The following FAM13A variants were observed in gnomAD, a reference collection of about 807,000 sequenced individuals.
FAM13A encodes family with sequence similarity 13 member A.
A neutral mutation model predicts 129.6 loss-of-function variants in FAM13A; 76 were observed. That is an observed-to-expected ratio of 0.59 (90% CI 0.49 to 0.71). FAM13A has a LOEUF of 0.71. Ranked by LOEUF, FAM13A falls within the 30% of genes least tolerant of loss-of-function variation. The probability of loss-of-function intolerance (pLI) is 0.00; values close to 1 mark genes in which losing one functional copy is unlikely to be tolerated. For missense variants in FAM13A, 1,108 were observed against 1,249.3 expected, an observed-to-expected ratio of 0.89 and a Z score of 1.70; for synonymous variants, 443 against 449.9, an observed-to-expected ratio of 0.98 and a Z score of 0.20.
chr4:88,944,382 A>AT (rs954117631), intron 4 of FAM13A, among the ~76,000 whole-genome samples: 2 of 152,208 alleles, frequency 1.3e-5, no homozygotes. Flanking sequence ...TGCCCTCTTT[A>AT]TAACATCATG....
intron 6 of FAM13A, among the ~76,000 whole-genome samples, chr4:88,885,790 A>G (rs1744302748): frequency 6.7e-6 from 1 of 150,370 alleles, no homozygotes; most frequent in South Asian, 2.1e-4. Context: ...AGAATATACA[A>G]GGATCCAAAC....
chr4:89,020,611 A>C lies in FAM13A; in HGVS notation c.276T>G (p.Leu92=). The C allele has an allele frequency of 6.2e-7, 1 of 1,614,158 alleles. No homozygotes were observed. Among genetic ancestry groups the C allele is most frequent in the Non-Finnish European group, 8.5e-7 (1 of 1,180,020 alleles). Residue 92 remains leucine, a synonymous_variant, in exon 3 of 24, where the codon CTT becomes CTG. Transcript: ENST00000264344. The part of the protein sequence containing the change: ...VNGNVKVVEQ[L]RLKFESGVPV... ...GCACTCCACTCTCGAACTTCAGTCG[A>C]AGTTGTTCCACCACCTTCACGTTAC...
chr4:88,823,261 A>G (rs1732395631), intron 7 of FAM13A: 1 of 1,269,804 alleles, frequency 7.9e-7, no homozygotes, highest in Non-Finnish European at 9.9e-7. Context: ...CTTTTGTTCC[A>G]GGGAAGCAGC....
chr4:88,876,653 T>A (rs537385138), intron 6 of FAM13A, among the ~76,000 whole-genome samples: 4 of 151,978 alleles, frequency 2.6e-5, no homozygotes, highest in Admixed American at 6.6e-5. Flanking sequence ...GTGCAGTGGC[T>A]CAATCTCGGC....
intron 7 of FAM13A, 91 bp downstream of exon 7, chr4:88,850,928 GC>G: frequency 9.0e-7 from 1 of 1,108,768 alleles, no homozygotes; most frequent in Non-Finnish European, 1.3e-6. Context: ...AACTCCAGTG[GC>G]AGATCAATGC....
At chr4:88,789,892 G>A (rs781753277) in intron 9 of FAM13A, among the ~76,000 whole-genome samples, 5 of 152,230 alleles carry the variant, frequency 3.3e-5, no homozygotes, top group Admixed American at 6.5e-5. Context: ...TTGGCCCTCC[G>A]TGGGAACAGT....
At chr4:88,923,349 C>T (rs1433973951) in intron 5 of FAM13A, among the ~76,000 whole-genome samples, 1 of 152,156 alleles carries the variant, frequency 6.6e-6, no homozygotes, top group African/African-American at 2.4e-5. Context: ...AAAAGCTTAT[C>T]CACCATGATC....
intron 4 of FAM13A, among the ~76,000 whole-genome samples, chr4:88,940,272 A>G (rs567903914): frequency 5.3e-5 from 8 of 152,274 alleles, no homozygotes; most frequent in African/African-American, 1.4e-4. Context: ...GACACCACTG[A>G]TGAGGGCTCA....
At chr4:88,914,414 A>T (rs797014992) in intron 5 of FAM13A, among the ~76,000 whole-genome samples, 12 of 152,134 alleles carry the variant, frequency 7.9e-5, no homozygotes, top group African/African-American at 2.9e-4. Flanking sequence ...ATCTCATAGC[A>T]TTTCCCCTCT....
At chr4:88,818,208 C>T (rs754212452) in intron 7 of FAM13A, among the ~76,000 whole-genome samples, 3 of 151,928 alleles carry the variant, frequency 2.0e-5, no homozygotes, top group Non-Finnish European at 4.4e-5. Context: ...ACCATGTTGG[C>T]CAGGCTGGTC....
intron 11 of FAM13A, among the ~76,000 whole-genome samples, chr4:88,769,532 T>C (rs72870533): frequency 0.087 from 13,158 of 152,100 alleles, 992 homozygotes; most frequent in East Asian, 0.32. Context: ...AATAAAATGA[T>C]ATGTAAAGTA....
intron 7 of FAM13A, among the ~76,000 whole-genome samples, chr4:88,845,412 A>G (rs17014687): frequency 0.083 from 12,654 of 152,040 alleles, 881 homozygotes; most frequent in African/African-American, 0.19. Flanking sequence ...TCCTTCTGTG[A>G]CACTAGATTA....
chr4:88,805,959 T>C (rs745903730), intron 7 of FAM13A, among the ~76,000 whole-genome samples: 3 of 152,196 alleles, frequency 2.0e-5, no homozygotes, highest in African/African-American at 7.2e-5. Flanking sequence ...TGAGCCACCA[T>C]GCCTGGCCTA....
At chr4:88,843,856 G>A (rs59640312) in intron 7 of FAM13A, among the ~76,000 whole-genome samples, 10,640 of 152,246 alleles carry the variant, frequency 0.07, 531 homozygotes, top group African/African-American at 0.14. Context: ...GATGGACAGC[G>A]ATGATGTGGG....
intron 6 of FAM13A, among the ~76,000 whole-genome samples, chr4:88,868,504 C>T (rs72872196): frequency 0.091 from 13,872 of 152,166 alleles, 1,090 homozygotes; most frequent in African/African-American, 0.22. Flanking sequence ...CCTTTCAATC[C>T]ACTCTCCCTC....
intron 7 of FAM13A, among the ~76,000 whole-genome samples, chr4:88,842,969 A>G (rs920604364): frequency 1.3e-5 from 2 of 152,196 alleles, no homozygotes; most frequent in African/African-American, 4.8e-5. Flanking sequence ...TTCATTTGGA[A>G]AGGAGACTGA....
intron 11 of FAM13A, among the ~76,000 whole-genome samples, chr4:88,780,250 C>T (rs903756167): frequency 2.0e-5 from 3 of 152,078 alleles, no homozygotes; most frequent in Admixed American, 2.0e-4. Flanking sequence ...AAATCTTCTC[C>T]GAGCACATGC....
chr4:88,938,376 T>C, intron 4 of FAM13A, 135 bp from the exon 5 acceptor site: 1 of 621,538 alleles, frequency 1.6e-6, no homozygotes, highest in Non-Finnish European at 2.7e-6. Context: ...ACAAGCTCTT[T>C]GGTAACATGC....
At chr4:88,737,672 C>T (rs1578425353) in intron 20 of FAM13A, 117 bp from the exon 21 acceptor site, 1 of 804,564 alleles carries the variant, frequency 1.2e-6, no homozygotes, top group East Asian at 2.6e-5. Context: ...ATTCTTATCC[C>T]TCCCTGCCAA....
Sources: gnomAD v4.1 joint callset for allele counts (sites outside exome capture counted in the v4.1 genomes callset) on GRCh38, gnomAD v4.1.1 for gene constraint, MANE v1.5 for transcripts, NCBI Gene and HGNC (gene_info 2026-07-23, HGNC 2026-07-21) for gene names.